Variants in NKAIN3 observed in about 807,000 individuals in gnomAD.
The protein encoded by NKAIN3 is sodium/potassium transporting ATPase interacting 3.
Under a neutral mutation model 30.2 loss-of-function variants are expected in NKAIN3, and 25 were observed. The observed-to-expected ratio is 0.83, with a 90% CI of 0.60 to 1.16. NKAIN3 has a LOEUF of 1.16. NKAIN3 is among the 50% of genes most tolerant of loss of function. The pLI, the probability that NKAIN3 is intolerant of heterozygous loss-of-function variation, is 0.00. For synonymous variants in NKAIN3, 91 were observed against 89.6 expected (o/e 1.02, Z -0.09); for missense variants, 225 against 254.1 (o/e 0.89, Z 0.78).
rs545476470 is a variant in NKAIN3, at chr8:62,901,397, G to A, written c.472-17056G>A. ...AGGCAGGAGGGTCACTTGAGTCCAGGAGTTCAAGGTTAGCCTGGAAAACAC... is the reference window on the plus strand; with the variant it reads ...AGGCAGGAGGGTCACTTGAGTCCAGAAGTTCAAGGTTAGCCTGGAAAACAC... On this transcript the variant is annotated intron_variant, in intron 4 of 6. Transcript: ENST00000623646. Among the ~76,000 whole-genome samples the A allele has an allele frequency of 7.2e-5, 11 of 152,286 alleles. No individual in the cohort carries two copies. The South Asian group carries it at 1.4e-3, about 20-fold the overall frequency.
chr8:62,647,407 G>A (rs1198838165), intron 3 of NKAIN3, among the ~76,000 whole-genome samples: 1 of 152,172 alleles, frequency 6.6e-6, no homozygotes, highest in East Asian at 1.9e-4. Context: ...GAGCAAGGTG[G>A]ACAGAGAACT....
chr8:62,904,088 T>C (rs1186652411), intron 4 of NKAIN3, among the ~76,000 whole-genome samples: 1 of 152,218 alleles, frequency 6.6e-6, no homozygotes, highest in Non-Finnish European at 1.5e-5. Flanking sequence ...GAAGATGGAC[T>C]TGAAAGTTTC....
intron 4 of NKAIN3, among the ~76,000 whole-genome samples, chr8:62,898,610 C>G (rs946715010): frequency 6.6e-6 from 1 of 152,018 alleles, no homozygotes; most frequent in African/African-American, 2.4e-5. Context: ...TACATATTGT[C>G]TCAAACTATG....
chr8:62,994,260 C>T (rs957556294), intron 5 of NKAIN3, among the ~76,000 whole-genome samples: 6 of 152,142 alleles, frequency 3.9e-5, no homozygotes, highest in African/African-American at 1.2e-4. Flanking sequence ...TACTGCCATG[C>T]AATGGGTCGT....
chr8:62,609,057 T>C (rs1811210265), intron 3 of NKAIN3, among the ~76,000 whole-genome samples: 1 of 152,130 alleles, frequency 6.6e-6, no homozygotes, highest in Admixed American at 6.5e-5. Context: ...AAGTCTAAAC[T>C]GTGATAGGTT....
At chr8:62,467,134 T>C (rs943152609) in intron 1 of NKAIN3, among the ~76,000 whole-genome samples, 1 of 152,174 alleles carries the variant, frequency 6.6e-6, no homozygotes, top group Admixed American at 6.5e-5. Context: ...ACTTGACTAA[T>C]TCCTGCCTCA....
rs376350810 is a variant in NKAIN3, at chr8:62,260,069, G to T, written c.54+10942G>T. Among the ~76,000 whole-genome samples, 37 of 152,230 alleles carry T rather than the reference G, an allele frequency of 2.4e-4. No homozygotes were observed. In the South Asian group the frequency reaches 7.7e-3, roughly 32 times the overall value. On this transcript the variant is annotated intron_variant, in intron 1 of 6. Transcript: ENST00000623646. The stretch of plus-strand genomic sequence containing the variant: ...TGCTCTGTTCCTTTATTAACAAGAA[G>T]TATTGAAAGAGGATTTTAGTGATCA...
chr8:62,489,688 A>G (rs1256811902), intron 1 of NKAIN3, among the ~76,000 whole-genome samples: 2 of 152,258 alleles, frequency 1.3e-5, no homozygotes, highest in African/African-American at 4.8e-5. Flanking sequence ...ATCAATGAGG[A>G]AATCAATAAC....
At chr8:62,805,579 TG>T (rs1818248242) in intron 4 of NKAIN3, among the ~76,000 whole-genome samples, 3 of 152,190 alleles carry the variant, frequency 2.0e-5, no homozygotes, top group Non-Finnish European at 4.4e-5. Context: ...TAAATGGTGC[TG>T]GGAAAACTGG....
chr8:62,889,372 A>C (rs1430726255), intron 4 of NKAIN3, among the ~76,000 whole-genome samples: 1 of 151,874 alleles, frequency 6.6e-6, no homozygotes, highest in Non-Finnish European at 1.5e-5. Context: ...CTCCATCTCG[A>C]AAAAAATAAT....
intron 6 of NKAIN3, among the ~76,000 whole-genome samples, chr8:62,956,926 C>T (rs1433531550): frequency 6.6e-6 from 1 of 152,112 alleles, no homozygotes; most frequent in Non-Finnish European, 1.5e-5. Flanking sequence ...GAAAGGCTTC[C>T]CTGAGAAATA....
In NKAIN3 at chr8:62,296,985, G is replaced by A. The variant is rs114197961; in HGVS notation, c.54+47858G>A. ...TTCTCATTGTTCTTTCCTGAGCCAT[G>A]ACCAAGTCGTTCAGGTTCTATCTCC... On this transcript the variant is annotated intron_variant, in intron 1 of 6. Coordinates refer to ENST00000623646, the MANE Select transcript of NKAIN3 (RefSeq NM_001304533.3). 9.1e-3 allele frequency among the ~76,000 whole-genome samples: 1,383 copies of A among 152,164 alleles called. 28 individuals carry two copies. The highest frequency in any genetic ancestry group is 0.031 in the African/African-American group (1,303 of 41,518).
chr8:62,781,702 A>G (rs186073806), intron 4 of NKAIN3, among the ~76,000 whole-genome samples: 16 of 152,052 alleles, frequency 1.1e-4, no homozygotes, highest in Non-Finnish European at 1.9e-4. Context: ...AAAAAAAAAG[A>G]AACTAGATAG....
At chr8:62,249,240 C>A (rs971852901) in intron 1 of NKAIN3, 113 bp downstream of exon 1, 27 of 878,584 alleles carry the variant, frequency 3.1e-5, no homozygotes, top group Middle Eastern at 3.3e-4. Flanking sequence ...GTGAACAGGG[C>A]GCTCCGCCCG....
chr8:62,465,443 A>T (rs2129599728), intron 1 of NKAIN3, among the ~76,000 whole-genome samples: 1 of 152,350 alleles, frequency 6.6e-6, no homozygotes, highest in Admixed American at 6.5e-5. Context: ...TCTGCAACAA[A>T]AAATCATAAA....
At chr8:62,877,889 A>C (rs996449688) in intron 4 of NKAIN3, among the ~76,000 whole-genome samples, 7 of 151,988 alleles carry the variant, frequency 4.6e-5, no homozygotes, top group Admixed American at 3.9e-4. Context: ...AAAAATGCAA[A>C]ATTAGCCGGG....
At chr8:62,430,674 G>T (rs570613505) in intron 1 of NKAIN3, among the ~76,000 whole-genome samples, 1 of 151,722 alleles carries the variant, frequency 6.6e-6, no homozygotes, top group Non-Finnish European at 1.5e-5. Flanking sequence ...TGAAGTGAGG[G>T]GGTAGATGTT....
intron 1 of NKAIN3, among the ~76,000 whole-genome samples, chr8:62,575,747 G>A (rs1168747289): frequency 6.6e-6 from 1 of 152,048 alleles, no homozygotes; most frequent in Non-Finnish European, 1.5e-5. Flanking sequence ...AAACAGCATG[G>A]CACTGGCATA....
intron 3 of NKAIN3, among the ~76,000 whole-genome samples, chr8:62,649,837 GGGGGAAGGTT>G (rs1812573959): frequency 6.6e-6 from 1 of 152,136 alleles, no homozygotes; most frequent in East Asian, 1.9e-4. Context: ...GGCAGGGGCT[GGGGGAAGGTT>G]CCCCAGTGCT....
Sources: gnomAD v4.1 joint callset for allele counts (sites outside exome capture counted in the v4.1 genomes callset) on GRCh38, gnomAD v4.1.1 for gene constraint, MANE v1.5 for transcripts, NCBI Gene and HGNC (gene_info 2026-07-23, HGNC 2026-07-21) for gene names.